The following PRIM2 variants were observed in gnomAD, a reference collection of about 807,000 sequenced individuals.
PRIM2 encodes the protein DNA primase large subunit.
A neutral mutation model predicts 67.3 loss-of-function variants in PRIM2; 39 were observed. That is an observed-to-expected ratio of 0.58 (90% CI 0.45 to 0.76). The LOEUF is 0.76. Ranked by LOEUF, PRIM2 falls within the 30% of genes least tolerant of loss-of-function variation. The pLI is 0.00. For missense variants in PRIM2, 398 were observed against 598.7 expected, an observed-to-expected ratio of 0.66 and a Z score of 3.50; for synonymous variants, 143 against 198.7, an observed-to-expected ratio of 0.72 and a Z score of 2.36.
chr6:57,457,400 G>A (rs1772833005), intron 7 of PRIM2, among the ~76,000 whole-genome samples: 1 of 152,242 alleles, frequency 6.6e-6, no homozygotes, highest in Admixed American at 6.5e-5. Flanking sequence ...AGTCTGCAGA[G>A]GCAGGCAGGC....
chr6:57,557,243 A>G (rs1775529941), intron 10 of PRIM2, among the ~76,000 whole-genome samples: 1 of 143,592 alleles, frequency 7.0e-6, no homozygotes, highest in African/African-American at 2.6e-5. Context: ...ATACAGAACT[A>G]CCATTCGACC....
chr6:57,368,715 A>G (rs1769449508), intron 5 of PRIM2, among the ~76,000 whole-genome samples: 2 of 152,244 alleles, frequency 1.3e-5, no homozygotes, highest in Non-Finnish European at 2.9e-5. Flanking sequence ...ATAAATATAC[A>G]TATATTGGAA....
intron 7 of PRIM2, among the ~76,000 whole-genome samples, chr6:57,422,064 C>A (rs1771481364): frequency 1.3e-5 from 2 of 151,360 alleles, no homozygotes; most frequent in South Asian, 4.2e-4. Flanking sequence ...GACATTTCAT[C>A]AAACGTACAG....
chr6:57,285,817 G>T, the PRIM2 span, among the ~76,000 whole-genome samples: 2 of 152,148 alleles, frequency 1.3e-5, no homozygotes, highest in Non-Finnish European at 2.9e-5. Flanking sequence ...AAGTCAAATT[G>T]TCTCTGTTTG....
At chr6:57,438,777 C>A (rs78198822) in intron 7 of PRIM2, among the ~76,000 whole-genome samples, 1 of 147,702 alleles carries the variant, frequency 6.8e-6, no homozygotes. Context: ...TTTTTTTTTT[C>A]TTTTTTTTTG....
intron 7 of PRIM2, among the ~76,000 whole-genome samples, chr6:57,392,493 C>G (rs1490421136): frequency 6.6e-6 from 1 of 151,880 alleles, no homozygotes; most frequent in African/African-American, 2.4e-5. Flanking sequence ...AAAAATTTAT[C>G]AAATATCAAA....
In PRIM2 at chr6:57,396,473, C is replaced by T. The variant is rs533269024; in HGVS notation, c.693+14305C>T. On this transcript the variant is annotated intron_variant, in intron 7 of 13. Transcript: ENST00000615550. Reference sequence around the variant, plus strand: ...TTGTTTGATACAAGAATAGCTACCCCTGCTCACTTTTGGTGTCCATTTGCA... The same window carrying T: ...TTGTTTGATACAAGAATAGCTACCCTTGCTCACTTTTGGTGTCCATTTGCA... Among the ~76,000 whole-genome samples, 8 of 152,210 alleles carry T rather than the reference C, an allele frequency of 5.3e-5. No homozygotes were observed. The South Asian group carries it at 1.0e-3, about 20-fold the overall frequency.
At chr6:57,363,060 GA>G (rs1251885079) in intron 5 of PRIM2, among the ~76,000 whole-genome samples, 4 of 152,190 alleles carry the variant, frequency 2.6e-5, no homozygotes, top group African/African-American at 7.2e-5. Flanking sequence ...TATAAGATCA[GA>G]AAGTTTGTTA....
chr6:57,466,016 C>G (rs1773176797), intron 7 of PRIM2, among the ~76,000 whole-genome samples: 1 of 151,924 alleles, frequency 6.6e-6, no homozygotes, highest in African/African-American at 2.4e-5. Context: ...GTTCCCCTCC[C>G]TGTGTCCATG....
intron 7 of PRIM2, among the ~76,000 whole-genome samples, chr6:57,390,542 A>G (rs1770304855): frequency 6.6e-6 from 1 of 152,052 alleles, no homozygotes; most frequent in Non-Finnish European, 1.5e-5. Context: ...CCTTCCTCCC[A>G]ACCTCCACCC....
chr6:57,572,496 G>A (rs1186746959), intron 10 of PRIM2, among the ~76,000 whole-genome samples: 1 of 152,302 alleles, frequency 6.6e-6, no homozygotes, highest in African/African-American at 2.4e-5. Context: ...GGGATATGAT[G>A]TTTTCATAAC....
chr6:57,556,843 C>T (rs1775522712), intron 10 of PRIM2, among the ~76,000 whole-genome samples: 1 of 151,786 alleles, frequency 6.6e-6, no homozygotes, highest in Non-Finnish European at 1.5e-5. Flanking sequence ...AACAGACAAC[C>T]TACCAAATGG....
intron 5 of PRIM2, among the ~76,000 whole-genome samples, chr6:57,339,070 CAGAG>C (rs1202231451): frequency 3.9e-5 from 6 of 151,914 alleles, no homozygotes; most frequent in Non-Finnish European, 8.8e-5. Context: ...AACAGACAAA[CAGAG>C]AGCCAAATCA....
intron 5 of PRIM2, among the ~76,000 whole-genome samples, chr6:57,350,797 T>C (rs1204971069): frequency 1.3e-5 from 2 of 152,168 alleles, no homozygotes; most frequent in African/African-American, 2.4e-5. Flanking sequence ...CCTTTACTTT[T>C]GTGGACGTTT....
chr6:57,565,410 G>A (rs1403862583), intron 10 of PRIM2, among the ~76,000 whole-genome samples: 4 of 148,482 alleles, frequency 2.7e-5, no homozygotes, highest in South Asian at 2.2e-4. Flanking sequence ...GAAGTTCTAT[G>A]ATCTGCTGTC....
At chr6:57,469,204 A>T (rs1773278193) in intron 7 of PRIM2, among the ~76,000 whole-genome samples, 1 of 152,238 alleles carries the variant, frequency 6.6e-6, no homozygotes, top group African/African-American at 2.4e-5. Context: ...CCTGAGCCTG[A>T]GTTTCCCTCT....
chr6:57,481,906 G>A (rs1273885202), intron 7 of PRIM2, among the ~76,000 whole-genome samples: 29 of 152,050 alleles, frequency 1.9e-4, no homozygotes, highest in African/African-American at 5.6e-4. Flanking sequence ...GACATGATTC[G>A]GGATGATTTT....
At chr6:57,296,920 T>C in the PRIM2 span, among the ~76,000 whole-genome samples, 39 of 152,076 alleles carry the variant, frequency 2.6e-4, no homozygotes, top group African/African-American at 8.9e-4. Context: ...GTTGACAGGA[T>C]ACAGGAGCCA....
intron 5 of PRIM2, among the ~76,000 whole-genome samples, chr6:57,374,357 G>C (rs536537046): frequency 6.7e-6 from 1 of 149,714 alleles, no homozygotes; most frequent in Admixed American, 6.6e-5. Flanking sequence ...GCAGTGGCGC[G>C]ATCTCGACTC....
Sources: gnomAD v4.1 joint callset for allele counts (sites outside exome capture counted in the v4.1 genomes callset) on GRCh38, gnomAD v4.1.1 for gene constraint, MANE v1.5 for transcripts, NCBI Gene and HGNC (gene_info 2026-07-23, HGNC 2026-07-21) for gene names.